Variants in IKZF3 observed in about 807,000 individuals in gnomAD.
IKZF3 encodes zinc finger protein Aiolos.
A neutral mutation model predicts 49.0 loss-of-function variants in IKZF3; 10 were observed. The ratio of observed to expected loss-of-function variants is 0.20; its 90% CI spans 0.13 to 0.35. The LOEUF is 0.35. IKZF3 is among the 10% of genes least tolerant of loss of function. The pLI, the probability that IKZF3 is intolerant of heterozygous loss-of-function variation, is 1.00. For synonymous variants in IKZF3, 209 were observed against 228.2 expected, an observed-to-expected ratio of 0.92 and a Z score of 0.76; for missense variants, 498 against 664.8, an observed-to-expected ratio of 0.75 and a Z score of 2.76.
chr17:39,846,573 G>T (rs1342038810), intron 1 of IKZF3, among the ~76,000 whole-genome samples: 2 of 143,624 alleles, frequency 1.4e-5, no homozygotes, highest in Admixed American at 1.4e-4. Flanking sequence ...ATTTAAACTT[G>T]GAAATGGCAG....
Position 39,762,751 on chromosome 17 carries a change from G to C in IKZF3, c.*3039C>G, listed in dbSNP as rs537231310. The C allele has an allele frequency of 1.7e-4, 26 of 152,412 alleles. No individual in the cohort carries two copies. The highest frequency in any genetic ancestry group is 6.3e-4 in the African/African-American group (26 of 41,562). 9.4% of individuals were successfully genotyped at this position (152,412 alleles called of 1,614,324 possible). A position where few individuals can be genotyped will look rare whatever the true frequency, so the allele number is the denominator to read the frequency against. On this transcript the variant is annotated 3_prime_UTR_variant, in exon 8 of 8. Transcript: ENST00000346872. ...AAAATACAAAAATTAGCCGGGCTTG[G>C]TGGTGAGCACCTGTAATCCCAGCTA... is the stretch of plus-strand genomic sequence containing the variant.
intron 2 of IKZF3, among the ~76,000 whole-genome samples, 194 bp from the exon 3 acceptor site, chr17:39,829,682 T>A (rs544985815): frequency 6.6e-6 from 1 of 151,762 alleles, no homozygotes; most frequent in East Asian, 2.0e-4. Flanking sequence ...GGGTTCGCAG[T>A]GGCTCACGCC....
chr17:39,839,817 G>A (rs2062412823), intron 1 of IKZF3, among the ~76,000 whole-genome samples: 1 of 151,978 alleles, frequency 6.6e-6, no homozygotes, highest in South Asian at 2.1e-4. Flanking sequence ...GTGTCACCAT[G>A]TCCAGCTAAT....
chr17:39,806,015 T>C (rs2061424496), intron 3 of IKZF3, among the ~76,000 whole-genome samples: 1 of 152,176 alleles, frequency 6.6e-6, no homozygotes, highest in East Asian at 1.9e-4. Flanking sequence ...CCACTGAAAA[T>C]AGAGTTGAAT....
At position 39,802,415 on chromosome 17, in the gene IKZF3, T is replaced by C. The variant is rs1398969814; in HGVS notation, c.164-9482A>G. 2.0e-5 allele frequency among the ~76,000 whole-genome samples: 3 copies of C among 151,394 alleles called. No individual in the cohort carries two copies. The East Asian group carries it at 5.8e-4, about 29-fold the overall frequency. ...TGGGCCCAGAAGTTTGAGACCAGCC[T>C]AGGCAACAAAGTAAGACCCTGTCTC... On this transcript the variant is annotated intron_variant, in intron 3 of 7. Coordinates refer to ENST00000346872, the MANE Select transcript of IKZF3 (RefSeq NM_012481.5).
At chr17:39,833,485 T>C (rs2062174686) in intron 1 of IKZF3, among the ~76,000 whole-genome samples, 1 of 152,220 alleles carries the variant, frequency 6.6e-6, no homozygotes. Context: ...TAGCCTATTT[T>C]AGAACTTCAT....
intron 1 of IKZF3, among the ~76,000 whole-genome samples, chr17:39,855,902 T>C (rs1200061065): frequency 6.6e-6 from 1 of 152,038 alleles, no homozygotes; most frequent in Non-Finnish European, 1.5e-5. Context: ...AACTTTATTA[T>C]AAGTATTTAA....
Position 39,765,929 on chromosome 17 carries a change from T to C in IKZF3, c.1391A>G (p.Tyr464Cys), listed in dbSNP as rs2060276440. 3 of 1,614,234 alleles carry C rather than the reference T, an allele frequency of 1.9e-6. No homozygotes were observed. Among genetic ancestry groups the C allele is most frequent in the Non-Finnish European group, 2.5e-6 (3 of 1,180,038 alleles). Residue 464 changes from tyrosine (Y) to cysteine (C), a missense_variant, in exon 8 of 8, where the codon TAT (tyrosine) becomes TGT (cysteine). This residue lies in a region of IKZF3 where 317 missense variants were observed against 397.3 expected (regional missense o/e 0.80). Transcript: ENST00000346872. Reference sequence around the variant, plus strand: ...GCCCATGTGAATCGTGAACATCACATAGTCCAGGAAGAGGACGCGGCAGTG... The same window carrying C: ...GCCCATGTGAATCGTGAACATCACACAGTCCAGGAAGAGGACGCGGCAGTG... Reference protein sequence around the residue: ...CDHCRVLFLDYVMFTIHMGCH... With the variant: ...CDHCRVLFLDCVMFTIHMGCH...
At chr17:39,847,886 G>C (rs1186708890) in intron 1 of IKZF3, among the ~76,000 whole-genome samples, 1 of 152,212 alleles carries the variant, frequency 6.6e-6, no homozygotes, top group Non-Finnish European at 1.5e-5. Context: ...TGTTGCTTCA[G>C]AGAATTTAAA....
intron 2 of IKZF3, among the ~76,000 whole-genome samples, chr17:39,831,235 A>G (rs994144965): frequency 6.6e-6 from 1 of 152,072 alleles, no homozygotes; most frequent in African/African-American, 2.4e-5. Flanking sequence ...TACACCAGGC[A>G]TGGTGGTGCA....
intron 4 of IKZF3, among the ~76,000 whole-genome samples, chr17:39,791,873 T>C (rs962997754): frequency 1.3e-5 from 2 of 151,352 alleles, no homozygotes; most frequent in African/African-American, 4.9e-5. Flanking sequence ...TATTACTATA[T>C]TACTTGGTAC....
chr17:39,854,801 A>G (rs1448239911), intron 1 of IKZF3, among the ~76,000 whole-genome samples: 2 of 152,260 alleles, frequency 1.3e-5, no homozygotes, highest in Non-Finnish European at 2.9e-5. Flanking sequence ...AGTGAGGGAA[A>G]GCAATGCCTG....
At chr17:39,777,850 T>C in intron 6 of IKZF3, 83 bp from the exon 7 acceptor site, 1 of 1,553,462 alleles carries the variant, frequency 6.4e-7, no homozygotes, top group Non-Finnish European at 8.7e-7. Flanking sequence ...GAAGGAGAAG[T>C]GTCCGAAGTT....
At chr17:39,799,277 T>C (rs1355081155) in intron 3 of IKZF3, among the ~76,000 whole-genome samples, 1 of 152,082 alleles carries the variant, frequency 6.6e-6, no homozygotes, top group East Asian at 1.9e-4. Context: ...AATATATCAT[T>C]GCATTAGCCT....
rs187396461 is a variant in IKZF3 at position 39,789,378 on chromosome 17, T to C, written c.593-1004A>G. Among the ~76,000 whole-genome samples the C allele has an allele frequency of 4.6e-5, 7 of 152,128 alleles. No individual in the cohort carries two copies. The East Asian group carries it at 1.4e-3, about 30-fold the overall frequency. ...AGGAGTTCGAGACCAGCCTGGCCAA[T>C]GTGGTGAAACCCCATCTCTACTAAA... On this transcript the variant is annotated intron_variant, in intron 5 of 7. Coordinates refer to ENST00000346872, the MANE Select transcript of IKZF3 (RefSeq NM_012481.5).
chr17:39,790,879 G>C (rs1337103805), intron 5 of IKZF3, among the ~76,000 whole-genome samples: 1 of 148,444 alleles, frequency 6.7e-6, no homozygotes, highest in Non-Finnish European at 1.5e-5. Flanking sequence ...AACATAGTGA[G>C]ACCTCATGTT....
At chr17:39,826,483 T>C (rs773279074) in intron 3 of IKZF3, among the ~76,000 whole-genome samples, 1 of 152,234 alleles carries the variant, frequency 6.6e-6, no homozygotes, top group Non-Finnish European at 1.5e-5. Flanking sequence ...TGAACAGTGA[T>C]ACATGCCCAT....
intron 6 of IKZF3, among the ~76,000 whole-genome samples, chr17:39,780,981 T>C (rs1597987453): frequency 6.6e-6 from 1 of 152,162 alleles, no homozygotes; most frequent in African/African-American, 2.4e-5. Flanking sequence ...TTAACAACTA[T>C]TTGTGTAAAT....
rs1483041865 is a variant in IKZF3, at chr17:39,759,237, G to A, written c.*6553C>T. 6.6e-6 allele frequency: 1 copy of A among 152,064 alleles called. No homozygotes were observed. The highest frequency in any genetic ancestry group is 1.5e-5 in the Non-Finnish European group (1 of 68,058). The allele number at this position is 152,064 out of a possible 1,614,324, so 9.4% of individuals were successfully genotyped here. ...TCAGGACCAGCCTGGGCAACATGGTGAGACCCTGTCTCTACAAAAAGTACA... is the reference window on the plus strand; with the variant it reads ...TCAGGACCAGCCTGGGCAACATGGTAAGACCCTGTCTCTACAAAAAGTACA... On this transcript the variant is annotated 3_prime_UTR_variant, in exon 8 of 8. Coordinates refer to ENST00000346872, the MANE Select transcript of IKZF3 (RefSeq NM_012481.5).
Sources: allele counts gnomAD v4.1 joint callset (sites outside exome capture counted in the v4.1 genomes callset), GRCh38; gene constraint gnomAD v4.1.1; regional missense constraint gnomAD v4.1.1; transcripts MANE v1.5; gene names NCBI Gene and HGNC (gene_info 2026-07-23, HGNC 2026-07-21).